ZBTB7C: variants seen among roughly 807,000 people sequenced by gnomAD.
ZBTB7C encodes zinc finger and BTB domain containing 7C.
A neutral mutation model predicts 25.7 loss-of-function variants in ZBTB7C; 8 were observed. That is an observed-to-expected ratio of 0.31 (90% confidence interval 0.18 to 0.56). The LOEUF (loss-of-function observed/expected upper bound fraction) is 0.56, where lower values mean the gene tolerates loss of function less well. Among genes scored for constraint, ZBTB7C ranks in the 20% least tolerant of loss-of-function variants. The pLI is 0.91. For synonymous variants in ZBTB7C, 394 were observed against 369.0 expected, an observed-to-expected ratio of 1.07 and a Z score of -0.78; for missense variants, 824 against 855.2, an observed-to-expected ratio of 0.96 and a Z score of 0.46.
intron 1 of ZBTB7C, among the ~76,000 whole-genome samples, chr18:48,375,968 C>T (rs2047510119): frequency 6.6e-6 from 1 of 152,196 alleles, no homozygotes; most frequent in East Asian, 1.9e-4. Flanking sequence ...TCTTTAAGAG[C>T]AGTGTTTCTC....
intron 2 of ZBTB7C, among the ~76,000 whole-genome samples, chr18:48,224,871 C>A (rs1164129411): frequency 6.6e-6 from 1 of 152,188 alleles, no homozygotes; most frequent in Non-Finnish European, 1.5e-5. Flanking sequence ...AAACTGGGTT[C>A]TATATACTCT....
At chr18:48,364,487 G>A (rs925546174) in intron 1 of ZBTB7C, among the ~76,000 whole-genome samples, 1 of 152,168 alleles carries the variant, frequency 6.6e-6, no homozygotes, top group African/African-American at 2.4e-5. Flanking sequence ...ATTAAGCAAA[G>A]GCTTGTGGTC....
At chr18:48,320,293 T>C (rs1032689835) in intron 2 of ZBTB7C, among the ~76,000 whole-genome samples, 1 of 151,318 alleles carries the variant, frequency 6.6e-6, no homozygotes, top group African/African-American at 2.4e-5. Context: ...GGTAGATGGG[T>C]AGGTGGGAAG....
chr18:48,195,193 T>G (rs1467416099), intron 2 of ZBTB7C, among the ~76,000 whole-genome samples: 1 of 152,196 alleles, frequency 6.6e-6, no homozygotes, highest in Non-Finnish European at 1.5e-5. Flanking sequence ...CATTAAGGTC[T>G]TTTTCTATTT....
intron 3 of ZBTB7C, chr18:48,137,300 A>G (rs1054081580): frequency 6.1e-6 from 6 of 985,450 alleles, no homozygotes; most frequent in Non-Finnish European, 6.0e-6. Context: ...TCACTTTATG[A>G]CACCAAATTA....
chr18:48,159,251 A>G (rs997685345), intron 3 of ZBTB7C, among the ~76,000 whole-genome samples: 6 of 152,166 alleles, frequency 3.9e-5, no homozygotes, highest in African/African-American at 1.4e-4. Flanking sequence ...CCGATCCTAG[A>G]GTCAGACTGC....
chr18:48,141,143 A>ACCCCCCCCCCCCCC (rs201273460), intron 3 of ZBTB7C, among the ~76,000 whole-genome samples: 4 of 96,044 alleles, frequency 4.2e-5, no homozygotes, highest in South Asian at 3.7e-4. Flanking sequence ...TCCCCCCCGC[A>ACCCCCCCCCCCCCC]CCACCCCCCC....
In ZBTB7C at chr18:48,272,951, A is replaced by C. The variant is rs530510933; in HGVS notation, c.-79+65223T>G. Reference sequence around the variant, plus strand: ...TTTATATGAAACATAGAGGACAGGCAAATCCATGGAAACAAAAGTAGATTA... The same window carrying C: ...TTTATATGAAACATAGAGGACAGGCCAATCCATGGAAACAAAAGTAGATTA... On this transcript the variant is annotated intron_variant, in intron 2 of 4. Coordinates refer to ENST00000590800, the MANE Select transcript of ZBTB7C (RefSeq NM_001318841.2). 2.6e-5 allele frequency among the ~76,000 whole-genome samples: 4 copies of C among 152,358 alleles called. No individual in the cohort carries two copies. In the South Asian group the frequency reaches 8.3e-4, roughly 32 times the overall value.
chr18:48,358,009 A>G (rs1280940150), intron 1 of ZBTB7C, among the ~76,000 whole-genome samples: 1 of 152,164 alleles, frequency 6.6e-6, no homozygotes, highest in Non-Finnish European at 1.5e-5. Context: ...CCCCTTGGTG[A>G]TAAGTGAGTT....
At chr18:48,147,285 C>T (rs917965330) in intron 3 of ZBTB7C, among the ~76,000 whole-genome samples, 1 of 152,170 alleles carries the variant, frequency 6.6e-6, no homozygotes, top group African/African-American at 2.4e-5. Context: ...ATCATGTTGG[C>T]CAGGCTGGTC....
chr18:48,068,512 A>G (rs1317915529), intron 3 of ZBTB7C, among the ~76,000 whole-genome samples: 2 of 152,054 alleles, frequency 1.3e-5, no homozygotes, highest in Admixed American at 1.3e-4. Flanking sequence ...ACAACAAAAA[A>G]ACAAAACACC....
chr18:48,112,344 A>C (rs997838626), intron 3 of ZBTB7C, among the ~76,000 whole-genome samples: 1 of 69,750 alleles, frequency 1.4e-5, no homozygotes, highest in Non-Finnish European at 2.6e-5. Flanking sequence ...AACATGATTT[A>C]CTTTTACCAT....
intron 1 of ZBTB7C, among the ~76,000 whole-genome samples, chr18:48,390,980 A>G (rs2047888239): frequency 1.3e-5 from 2 of 152,304 alleles, no homozygotes; most frequent in South Asian, 4.1e-4. Flanking sequence ...TGGGTGAGAA[A>G]GCCACTGAGC....
intron 1 of ZBTB7C, among the ~76,000 whole-genome samples, chr18:48,373,014 T>A (rs1421117166): frequency 6.6e-6 from 1 of 152,178 alleles, no homozygotes; most frequent in Non-Finnish European, 1.5e-5. Context: ...GCATTGTGGC[T>A]TTTTTGTTTT....
intron 1 of ZBTB7C, among the ~76,000 whole-genome samples, chr18:48,361,114 G>C (rs2047095594): frequency 6.6e-6 from 1 of 152,100 alleles, no homozygotes; most frequent in Non-Finnish European, 1.5e-5. Context: ...GGGGTAGCCT[G>C]GGCAGGAGAC....
intron 2 of ZBTB7C, among the ~76,000 whole-genome samples, chr18:48,298,110 C>A (rs890576278): frequency 6.6e-6 from 1 of 151,970 alleles, no homozygotes; most frequent in Non-Finnish European, 1.5e-5. Flanking sequence ...GAAACCCCAT[C>A]GCTACTAAAA....
chr18:48,351,796 G>A lies in ZBTB7C; in HGVS notation c.-303-13398C>T, dbSNP rs1463425635. 3.9e-5 allele frequency among the ~76,000 whole-genome samples: 6 copies of A among 152,150 alleles called. No homozygotes were observed. The South Asian group carries it at 8.3e-4, about 21-fold the overall frequency. On this transcript the variant is annotated intron_variant, in intron 1 of 4. Coordinates refer to ENST00000590800, the MANE Select transcript of ZBTB7C (RefSeq NM_001318841.2). ...GGCCTACGGAACCCAAAGAGTGCTC[G>A]TTCCCTCACCAACCAGCACTGTTGG...
intron 2 of ZBTB7C, among the ~76,000 whole-genome samples, chr18:48,273,897 A>T (rs990076876): frequency 2.0e-5 from 3 of 152,168 alleles, no homozygotes; most frequent in African/African-American, 7.2e-5. Context: ...AAAAAACAAT[A>T]AGAAGGTGTT....
At chr18:48,122,960 C>CT (rs2039680183) in intron 3 of ZBTB7C, among the ~76,000 whole-genome samples, 1 of 152,206 alleles carries the variant, frequency 6.6e-6, no homozygotes, top group East Asian at 1.9e-4. Context: ...CTCTTGGACT[C>CT]TGACTCCTTG....
Sources: gnomAD v4.1 joint callset for allele counts (sites outside exome capture counted in the v4.1 genomes callset) on GRCh38, gnomAD v4.1.1 for gene constraint, MANE v1.5 for transcripts, NCBI Gene and HGNC (gene_info 2026-07-23, HGNC 2026-07-21) for gene names.